Variants in ITGBL1 observed in about 807,000 individuals in gnomAD.
ITGBL1 encodes the protein integrin beta-like protein 1.
In ITGBL1, 51 loss-of-function variants were observed where a neutral mutation model predicts 68.5. That is an observed-to-expected ratio of 0.74 (90% confidence interval 0.59 to 0.94). ITGBL1 has a LOEUF of 0.94. Among genes scored for constraint, ITGBL1 ranks in the 40% least tolerant of loss-of-function variants. The pLI, the probability that ITGBL1 is intolerant of heterozygous loss-of-function variation, is 0.00. For missense variants in ITGBL1, 649 were observed against 647.4 expected, an observed-to-expected ratio of 1.00 and a Z score of -0.03; for synonymous variants, 209 against 227.3, an observed-to-expected ratio of 0.92 and a Z score of 0.72.
intron 7 of ITGBL1, among the ~76,000 whole-genome samples, chr13:101,674,509 T>C (rs1271753702): frequency 6.6e-6 from 1 of 152,170 alleles, no homozygotes; most frequent in Non-Finnish European, 1.5e-5. Context: ...AAATTTAGTT[T>C]AGATTACCTT....
chr13:101,529,748 C>G (rs574362203), intron 2 of ITGBL1, among the ~76,000 whole-genome samples: 1 of 152,218 alleles, frequency 6.6e-6, no homozygotes, highest in South Asian at 2.1e-4. Flanking sequence ...TGCCTTTGCT[C>G]GTTTTCTCCT....
Position 101,648,381 on chromosome 13 carries a change from C to T in ITGBL1, c.1016-44204C>T, listed in dbSNP as rs140319842. On this transcript the variant is annotated intron_variant, in intron 7 of 10. Transcript: ENST00000376180. ...AGAATGCAGTAACTAAGATCGAGAA[C>T]TCAAGTAGTGCGTTTAACACAGATT... is the stretch of plus-strand genomic sequence containing the variant. Among the ~76,000 whole-genome samples the T allele has an allele frequency of 1.2e-4, 19 of 152,246 alleles. No individual in the cohort carries two copies. The East Asian group carries it at 2.9e-3, about 23-fold the overall frequency.
At chr13:101,497,014 C>G (rs1218900170) in intron 2 of ITGBL1, among the ~76,000 whole-genome samples, 1 of 152,128 alleles carries the variant, frequency 6.6e-6, no homozygotes, top group Non-Finnish European at 1.5e-5. Flanking sequence ...GAGCCTGGGA[C>G]AAGCATGGCA....
At chr13:101,688,046 A>AAAT (rs149368172) in intron 7 of ITGBL1, among the ~76,000 whole-genome samples, 13 of 152,050 alleles carry the variant, frequency 8.5e-5, no homozygotes, top group African/African-American at 2.9e-4. Flanking sequence ...ACAATCACTG[A>AAAT]AATAATAATA....
chr13:101,584,659 T>G (rs1313309054), intron 6 of ITGBL1, among the ~76,000 whole-genome samples: 1 of 152,174 alleles, frequency 6.6e-6, no homozygotes, highest in Non-Finnish European at 1.5e-5. Flanking sequence ...CTAAACATTT[T>G]GTGAACACTA....
At chr13:101,524,129 A>AT (rs36014394) in intron 2 of ITGBL1, among the ~76,000 whole-genome samples, 73,807 of 145,200 alleles carry the variant, frequency 0.51, 18,885 homozygotes, top group East Asian at 0.61. Context: ...TTTTTTTTTA[A>AT]TTTTTTTTTT....
intron 3 of ITGBL1, among the ~76,000 whole-genome samples, chr13:101,574,413 A>T (rs1234366674): frequency 2.0e-5 from 3 of 152,028 alleles, no homozygotes; most frequent in Non-Finnish European, 4.4e-5. Flanking sequence ...TCTGACTTTG[A>T]CCTACTGGTC....
intron 7 of ITGBL1, among the ~76,000 whole-genome samples, chr13:101,608,317 C>G (rs1334278231): frequency 2.0e-5 from 3 of 151,416 alleles, no homozygotes; most frequent in Admixed American, 6.6e-5. Context: ...GAAAGCCCAT[C>G]TTTAATTTCC....
intron 2 of ITGBL1, among the ~76,000 whole-genome samples, chr13:101,552,085 A>G (rs1023101678): frequency 2.0e-5 from 3 of 152,310 alleles, no homozygotes; most frequent in Admixed American, 6.5e-5. Context: ...GCTTCAAAAC[A>G]GCTGTGCATA....
chr13:101,478,343 A>T (rs1014874791), intron 2 of ITGBL1, among the ~76,000 whole-genome samples: 1 of 152,112 alleles, frequency 6.6e-6, no homozygotes, highest in African/African-American at 2.4e-5. Context: ...CAACACAATA[A>T]AAGCCACATA....
intron 7 of ITGBL1, among the ~76,000 whole-genome samples, chr13:101,637,752 G>A (rs1204772606): frequency 3.3e-5 from 5 of 152,016 alleles, no homozygotes; most frequent in African/African-American, 1.2e-4. Flanking sequence ...GGTTTACATG[G>A]GCATACCATA....
At chr13:101,609,927 C>T (rs2031044646) in intron 7 of ITGBL1, among the ~76,000 whole-genome samples, 1 of 152,052 alleles carries the variant, frequency 6.6e-6, no homozygotes, top group Admixed American at 6.6e-5. Flanking sequence ...AGTTTCATTA[C>T]ATTTTGCATT....
chr13:101,526,357 C>CA (rs1198344337), intron 2 of ITGBL1, among the ~76,000 whole-genome samples: 1 of 152,040 alleles, frequency 6.6e-6, no homozygotes, highest in East Asian at 1.9e-4. Context: ...TCCCCATGTC[C>CA]ATGTATTCTC....
chr13:101,541,267 T>C (rs911671356), intron 2 of ITGBL1, among the ~76,000 whole-genome samples: 3 of 151,614 alleles, frequency 2.0e-5, no homozygotes, highest in Non-Finnish European at 2.9e-5. Flanking sequence ...GCATGAAGGG[T>C]TGTTGAATTT....
Position 101,459,024 on chromosome 13 carries a change from G to T in ITGBL1, c.316+4924G>T, listed in dbSNP as rs187173622. Among the ~76,000 whole-genome samples the T allele has an allele frequency of 1.5e-3, 235 of 152,282 alleles. 1 individual carries two copies. Among genetic ancestry groups the T allele is most frequent in the African/African-American group, 4.9e-3 (204 of 41,546 alleles). On this transcript the variant is annotated intron_variant, in intron 2 of 10. Coordinates refer to ENST00000376180, the MANE Select transcript of ITGBL1 (RefSeq NM_004791.3). Reference sequence around the variant, plus strand: ...AGTAAGATGAATTAAAACTCATGCTGGGTTTTTAAGTCTGCGAGATCAGAA... The same window carrying T: ...AGTAAGATGAATTAAAACTCATGCTTGGTTTTTAAGTCTGCGAGATCAGAA...
intron 1 of ITGBL1, among the ~76,000 whole-genome samples, chr13:101,453,278 G>A (rs927937664): frequency 6.6e-6 from 1 of 152,208 alleles, no homozygotes; most frequent in Non-Finnish European, 1.5e-5. Context: ...GCAGCAACAG[G>A]AGGTCTGTGT....
chr13:101,613,017 A>C (rs375587342), intron 7 of ITGBL1, among the ~76,000 whole-genome samples: 1 of 152,098 alleles, frequency 6.6e-6, no homozygotes, highest in Admixed American at 6.6e-5. Context: ...ACCCTCATAG[A>C]GCTGATGTCT....
At chr13:101,710,212 G>A (rs1415030163) in intron 9 of ITGBL1, among the ~76,000 whole-genome samples, 1 of 152,194 alleles carries the variant, frequency 6.6e-6, no homozygotes, top group African/African-American at 2.4e-5. Context: ...ACTTAAAAGG[G>A]AATATGAAAG....
chr13:101,645,131 G>A (rs191480073), intron 7 of ITGBL1, among the ~76,000 whole-genome samples: 9 of 152,242 alleles, frequency 5.9e-5, no homozygotes, highest in Non-Finnish European at 7.4e-5. Context: ...GGGCTGGTGT[G>A]ACCACTGTGT....
Sources: gnomAD v4.1 joint callset for allele counts (sites outside exome capture counted in the v4.1 genomes callset) on GRCh38, gnomAD v4.1.1 for gene constraint, MANE v1.5 for transcripts, NCBI Gene and HGNC (gene_info 2026-07-23, HGNC 2026-07-21) for gene names.